Variants in DCHS2 observed in about 807,000 individuals in gnomAD.
DCHS2 encodes the protein dachsous cadherin-related 2.
Under a neutral mutation model 182.4 loss-of-function variants are expected in DCHS2, and 142 were observed. That is an observed-to-expected ratio of 0.78 (90% CI 0.68 to 0.89). The LOEUF (loss-of-function observed/expected upper bound fraction) is 0.89. Ranked by LOEUF, DCHS2 falls within the 40% of genes least tolerant of loss-of-function variation. The probability of loss-of-function intolerance (pLI) is 0.00; values close to 1 mark genes in which losing one functional copy is unlikely to be tolerated. For missense variants in DCHS2, 4,319 were observed against 4,198.6 expected (o/e 1.03, Z -0.79); for synonymous variants, 1,740 against 1,663.3 (o/e 1.05, Z -1.12).
rs975552749 is a variant in DCHS2 at position 154,294,456 on chromosome 4, T to C, written c.6463+3395A>G. Among the ~76,000 whole-genome samples, 128 of 152,282 alleles carry C rather than the reference T, an allele frequency of 8.4e-4. 1 individual carries two copies. Among genetic ancestry groups the C allele is most frequent in the African/African-American group, 2.8e-3 (118 of 41,558 alleles). On this transcript the variant is annotated intron_variant, in intron 13 of 19. Coordinates refer to ENST00000357232, the MANE Select transcript of DCHS2 (RefSeq NM_001358235.2). The stretch of plus-strand genomic sequence containing the variant: ...TGATTTCTTGATGCTTGATCTAATA[T>C]TTTTTATGAGCCCCACTCAGTATTT...
rs771116885 is a variant in DCHS2 at position 154,335,098 on chromosome 4, A to G, written c.2483T>C (p.Ile828Thr). 6.9e-6 allele frequency: 11 copies of G among 1,596,162 alleles called. No individual in the cohort carries two copies. Among genetic ancestry groups the G allele is most frequent in the Non-Finnish European group, 7.7e-6 (9 of 1,163,634 alleles). Residue 828 changes from isoleucine to threonine, a missense_variant, in exon 4 of 20, where the codon ATT becomes ACT. Transcript: ENST00000357232. The part of the protein sequence containing the change: ...LFTIDSTTGI[I>T]YLTLPLSHLE... Reference sequence around the variant, plus strand: ...ATGACTAAGAGGTAATGTTAAGTAAATAATTCCTGGGTAGGGAAAAGAAAA... The same window carrying G: ...ATGACTAAGAGGTAATGTTAAGTAAGTAATTCCTGGGTAGGGAAAAGAAAA...
chr4:154,311,567 C>T (rs1203495723), intron 10 of DCHS2, among the ~76,000 whole-genome samples: 1 of 152,060 alleles, frequency 6.6e-6, no homozygotes, highest in Non-Finnish European at 1.5e-5. Context: ...CTCGACTGTA[C>T]AATGTCCTCA....
intron 2 of DCHS2, among the ~76,000 whole-genome samples, chr4:154,367,214 T>A (rs1730424749): frequency 6.6e-6 from 1 of 152,138 alleles, no homozygotes; most frequent in African/African-American, 2.4e-5. Flanking sequence ...ACAGGAGGGC[T>A]TTGAGCACAA....
chr4:154,242,837 A>G (rs1398905893), intron 16 of DCHS2, 65 bp from the exon 17 acceptor site: 10 of 1,525,034 alleles, frequency 6.6e-6, no homozygotes, highest in African/African-American at 1.4e-5. Context: ...CAACATAAAT[A>G]TCAAATATCT....
In DCHS2 at chr4:154,320,468, T is replaced by G. The variant is rs770926180; in HGVS notation, c.4931A>C (p.His1644Pro). 4 of 1,614,150 alleles carry G rather than the reference T, an allele frequency of 2.5e-6. No homozygotes were observed. The South Asian group carries it at 4.4e-5, about 18-fold the overall frequency. ...VGSLVHHITA[H>P]DPDEGRNGKV... ...TCCATTCCTTCCTTCGTCTGGATCG[T>G]GAGCAGTTATGTGGTGGACCAAGGA... Residue 1644 changes from histidine (H) to proline (P), a missense_variant, in exon 9 of 20, where the codon CAC becomes CCC. Transcript: ENST00000357232.
At chr4:154,263,953 T>C (rs529967877) in intron 14 of DCHS2, among the ~76,000 whole-genome samples, 56 of 152,198 alleles carry the variant, frequency 3.7e-4, no homozygotes, top group African/African-American at 1.3e-3. Flanking sequence ...CACCAGAAGC[T>C]TGACTTTTTT....
chr4:154,425,704 AG>A (rs1733296034), intron 1 of DCHS2, among the ~76,000 whole-genome samples: 1 of 152,230 alleles, frequency 6.6e-6, no homozygotes, highest in African/African-American at 2.4e-5. Context: ...GAACTCGCAA[AG>A]CCACAATGCT....
rs1469855910 is a variant in DCHS2, at chr4:154,305,103, G to A, written c.5389C>T (p.Leu1797Phe). 1.0e-5 allele frequency: 16 copies of A among 1,605,300 alleles called. No homozygotes were observed. Among genetic ancestry groups the A allele is most frequent in the Non-Finnish European group, 1.4e-5 (16 of 1,177,816 alleles). Residue 1797 changes from leucine to phenylalanine, a missense_variant, in exon 11 of 20, where the codon CTT becomes TTT. Coordinates refer to ENST00000357232, the MANE Select transcript of DCHS2 (RefSeq NM_001358235.2). ...TACTCAAAGAATCCCTTACCTCGAA[G>A]GGTGAAGACTTCTTGAATTTCTCTG... ...LDREIQEVFT[L>F]RVLVRDGGFP...
intron 1 of DCHS2, among the ~76,000 whole-genome samples, chr4:154,426,447 CAT>C (rs943992281): frequency 3.3e-5 from 5 of 152,058 alleles, no homozygotes; most frequent in Non-Finnish European, 7.4e-5. Flanking sequence ...ATCTAGGTAA[CAT>C]AAGGGAATAA....
At chr4:154,296,092 A>G (rs1046980005) in intron 13 of DCHS2, among the ~76,000 whole-genome samples, 5 of 152,282 alleles carry the variant, frequency 3.3e-5, no homozygotes, top group African/African-American at 9.6e-5. Flanking sequence ...CTGGCAAGTC[A>G]ATGAAATGCA....
chr4:154,311,064 G>T (rs571473289), intron 10 of DCHS2, among the ~76,000 whole-genome samples: 1 of 152,254 alleles, frequency 6.6e-6, no homozygotes, highest in South Asian at 2.1e-4. Context: ...AAGTTTTCCA[G>T]AATTCTATCC....
chr4:154,250,604 T>TATC (rs1162882271), intron 16 of DCHS2, among the ~76,000 whole-genome samples: 2 of 152,212 alleles, frequency 1.3e-5, no homozygotes, highest in African/African-American at 4.8e-5. Context: ...AGAACCATTC[T>TATC]ATCTCTTTTC....
chr4:154,280,268 T>A (rs1367461195), intron 13 of DCHS2, among the ~76,000 whole-genome samples: 1 of 152,148 alleles, frequency 6.6e-6, no homozygotes, highest in East Asian at 1.9e-4. Context: ...CAGGACCAGA[T>A]GGCATCACTG....
At chr4:154,464,091 G>T (rs375144907) in intron 1 of DCHS2, among the ~76,000 whole-genome samples, 4 of 152,076 alleles carry the variant, frequency 2.6e-5, no homozygotes, top group African/African-American at 9.7e-5. Context: ...GTTGGAAAAC[G>T]GCAATGTCAC....
chr4:154,415,723 G>C (rs1484036602), intron 1 of DCHS2, among the ~76,000 whole-genome samples: 1 of 152,054 alleles, frequency 6.6e-6, no homozygotes, highest in Non-Finnish European at 1.5e-5. Flanking sequence ...AACCGAGGTC[G>C]GTGAGGAAAA....
At chr4:154,334,754 T>G (rs1728706464) in intron 4 of DCHS2, 114 bp downstream of exon 4, 1 of 796,452 alleles carries the variant, frequency 1.3e-6, no homozygotes, top group Admixed American at 2.2e-5. Flanking sequence ...TTATCTCCCT[T>G]GTTTTGACTT....
intron 17 of DCHS2, among the ~76,000 whole-genome samples, chr4:154,242,179 G>A (rs1419650467): frequency 6.6e-6 from 1 of 152,144 alleles, no homozygotes; most frequent in East Asian, 1.9e-4. Context: ...CATTAGTGTG[G>A]TACAAACGTT....
chr4:154,311,958 A>G (rs1006752698), intron 10 of DCHS2, among the ~76,000 whole-genome samples: 1 of 151,896 alleles, frequency 6.6e-6, no homozygotes, highest in Non-Finnish European at 1.5e-5. Flanking sequence ...ATTCTTTTTC[A>G]TCTCCTTATT....
rs577751985 is a variant in DCHS2 at position 154,484,154 on chromosome 4, C to A, written c.2052+5150G>T. 6.6e-5 allele frequency among the ~76,000 whole-genome samples: 10 copies of A among 152,306 alleles called. No homozygotes were observed. The East Asian group carries it at 1.9e-3, about 29-fold the overall frequency. ...CCTTCCACCAGTTTCTCACTCACAT[C>A]TATACAAGTTGTACCAATTATTCCT... On this transcript the variant is annotated intron_variant, in intron 1 of 19. Transcript: ENST00000357232.
Sources: gnomAD v4.1 joint callset for allele counts (sites outside exome capture counted in the v4.1 genomes callset) on GRCh38, gnomAD v4.1.1 for gene constraint, MANE v1.5 for transcripts, NCBI Gene and HGNC (gene_info 2026-07-23, HGNC 2026-07-21) for gene names.